The following ZNF583 variants were observed in gnomAD, a reference collection of about 807,000 sequenced individuals.
The protein encoded by ZNF583 is zinc finger protein L3-5.
A neutral mutation model predicts 55.3 loss-of-function variants in ZNF583; 30 were observed. The observed-to-expected ratio is 0.54, with a 90% confidence interval of 0.41 to 0.74. The LOEUF (loss-of-function observed/expected upper bound fraction) is 0.74, where lower values mean the gene tolerates loss of function less well. Ranked by LOEUF, ZNF583 falls within the 30% of genes least tolerant of loss-of-function variation. The pLI is 0.00. For synonymous variants in ZNF583, 208 were observed against 220.0 expected (o/e 0.95, Z 0.48); for missense variants, 504 against 664.7 (o/e 0.76, Z 2.66).
chr19:56,413,253 A>G (rs1042929772), intron 2 of ZNF583, among the ~76,000 whole-genome samples: 2 of 152,228 alleles, frequency 1.3e-5, no homozygotes, highest in African/African-American at 2.4e-5. Flanking sequence ...CATCACTTTG[A>G]CAGCTGGTTG....
At position 56,422,888 on chromosome 19, in the gene ZNF583, T is replaced by C. The variant is rs759981259; in HGVS notation, c.233-3T>C. 6.4e-7 allele frequency: 1 copy of C among 1,571,500 alleles called. No homozygotes were observed. The highest frequency in any genetic ancestry group is 8.6e-7 in the Non-Finnish European group (1 of 1,162,268). The stretch of plus-strand genomic sequence containing the variant: ...AAGTCATTTGTTTCTTGATATCTTT[T>C]AGATTGGGAGTATGTATTTAAAAAC... On this transcript the variant is annotated splice_polypyrimidine_tract_variant and splice_region_variant and intron_variant, in intron 4 of 4. Coordinates refer to ENST00000333201, the MANE Select transcript of ZNF583 (RefSeq NM_152478.3).
In ZNF583 at chr19:56,414,081, A is replaced by G. The variant is rs139616608; in HGVS notation, c.132A>G (p.Ser44=). The G allele has an allele frequency of 2.5e-6, 4 of 1,591,888 alleles. No individual in the cohort carries two copies. Among genetic ancestry groups the G allele is most frequent in the Non-Finnish European group, 3.4e-6 (4 of 1,170,658 alleles). The change falls in exon 3 of 5, where the codon TCA becomes TCG. Residue 44 remains serine (S), a synonymous_variant. Coordinates refer to ENST00000333201, the MANE Select transcript of ZNF583 (RefSeq NM_152478.3). ...TGGAGAACTACAGGAGCTTGGTATC[A>G]TTGGGTAAGGACATGTCCCCTTAAT... ...VMLENYRSLV[S]LGVSVSKPDV...
chr19:56,424,229 A>T lies in ZNF583; in HGVS notation c.1571A>T (p.Asp524Val), dbSNP rs370545394. 3 of 1,613,904 alleles carry T rather than the reference A, an allele frequency of 1.9e-6. No individual in the cohort carries two copies. In the African/African-American group the frequency reaches 4.0e-5, roughly 22 times the overall value. Residue 524 changes from aspartate to valine, a missense_variant, in exon 5 of 5, where the codon GAT (aspartate) becomes GTT (valine). Around this residue, in one of 3 missense-constraint regions of ZNF583, gnomAD observed 63 missense variants for 56.5 expected, o/e 1.11. Coordinates refer to ENST00000333201, the MANE Select transcript of ZNF583 (RefSeq NM_152478.3). ...GGAGAAAGACCCTATGAATGTAAAG[A>T]TTGCAGGAAATCTTTCAGGCAGCGT... ...HTGERPYECK[D>V]CRKSFRQRAH...
intron 4 of ZNF583, among the ~76,000 whole-genome samples, chr19:56,422,492 C>G (rs959732986): frequency 2.0e-4 from 31 of 152,182 alleles, no homozygotes; most frequent in African/African-American, 7.0e-4. Context: ...TTAATACTGC[C>G]TACTGTTGTT....
chr19:56,407,958 AACATATAGT>A (rs1418056786), intron 2 of ZNF583, among the ~76,000 whole-genome samples: 1 of 152,236 alleles, frequency 6.6e-6, no homozygotes, highest in Non-Finnish European at 1.5e-5. Context: ...TCATTCACTG[AACATATAGT>A]TATTAAAGGC....
At chr19:56,411,522 C>A (rs924403738) in intron 2 of ZNF583, among the ~76,000 whole-genome samples, 1 of 152,156 alleles carries the variant, frequency 6.6e-6, no homozygotes, top group South Asian at 2.1e-4. Flanking sequence ...TCAAGGACTT[C>A]ATGTAGCAAA....
At chr19:56,421,389 C>T in intron 4 of ZNF583, 2 of 817,636 alleles carry the variant, frequency 2.4e-6, no homozygotes, top group South Asian at 1.1e-4. Context: ...TTTTTTGACC[C>T]ATCAGTCTTC....
intron 2 of ZNF583, among the ~76,000 whole-genome samples, chr19:56,412,527 CATTTT>C (rs1030536932): frequency 6.6e-6 from 1 of 152,128 alleles, no homozygotes; most frequent in African/African-American, 2.4e-5. Flanking sequence ...TTTTTTGATG[CATTTT>C]ATTATCAGAC....
intron 4 of ZNF583, among the ~76,000 whole-genome samples, chr19:56,416,189 G>T (rs1262381968): frequency 6.6e-6 from 1 of 151,746 alleles, no homozygotes; most frequent in East Asian, 2.0e-4. Flanking sequence ...AGCCAGGTGT[G>T]GTGGCAGGCT....
At chr19:56,413,848 T>C in intron 2 of ZNF583, 111 bp from the exon 3 acceptor site, 8 of 1,468,872 alleles carry the variant, frequency 5.4e-6, no homozygotes, top group Non-Finnish European at 7.4e-6. Flanking sequence ...TCAGAAAGTT[T>C]TGCTATGTGC....
At chr19:56,408,150 G>GT (rs1480882574) in intron 2 of ZNF583, among the ~76,000 whole-genome samples, 12 of 151,998 alleles carry the variant, frequency 7.9e-5, no homozygotes, top group African/African-American at 2.7e-4. Context: ...TATTCATCTA[G>GT]TAAAAAAAAT....
chr19:56,411,667 C>T (rs1469061081), intron 2 of ZNF583, among the ~76,000 whole-genome samples: 1 of 152,194 alleles, frequency 6.6e-6, no homozygotes, highest in Non-Finnish European at 1.5e-5. Flanking sequence ...CTATCCAGCA[C>T]GAGTTTTAAT....
intron 4 of ZNF583, among the ~76,000 whole-genome samples, chr19:56,415,164 G>A (rs1213908309): frequency 6.6e-6 from 1 of 151,902 alleles, no homozygotes; most frequent in Non-Finnish European, 1.5e-5. Context: ...TTGAGAAGAG[G>A]ATTCTGCTAA....
intron 2 of ZNF583, 98 bp downstream of exon 2, chr19:56,407,221 G>C (rs1600350334): frequency 7.1e-7 from 1 of 1,415,608 alleles, no homozygotes; most frequent in South Asian, 1.2e-5. Context: ...AACCTAATAA[G>C]GTTCCATTCA....
At chr19:56,411,095 T>C (rs2042231013) in intron 2 of ZNF583, among the ~76,000 whole-genome samples, 1 of 149,416 alleles carries the variant, frequency 6.7e-6, no homozygotes, top group Admixed American at 6.7e-5. Context: ...GAGACCAGCC[T>C]GGGCAACATA....
Position 56,421,637 on chromosome 19 carries a change from T to C in ZNF583, c.233-1254T>C, listed in dbSNP as rs148635821. ...GACATTTACCCCATTCATGCAAGCA[T>C]GTCATTCTAATAAGAGGATGAATTA... is the stretch of plus-strand genomic sequence containing the variant. On this transcript the variant is annotated intron_variant, in intron 4 of 4. Coordinates refer to ENST00000333201, the MANE Select transcript of ZNF583 (RefSeq NM_152478.3). 34 of 352,330 alleles carry C rather than the reference T, an allele frequency of 9.7e-5. 1 individual carries two copies. The East Asian group carries it at 5.5e-3, about 57-fold the overall frequency. 21.8% of individuals were successfully genotyped at this position (352,330 alleles called of 1,614,324 possible). A position where few individuals can be genotyped will look rare whatever the true frequency, so the allele number is the denominator to read the frequency against.
At chr19:56,413,464 A>T (rs1449081326) in intron 2 of ZNF583, among the ~76,000 whole-genome samples, 1 of 152,220 alleles carries the variant, frequency 6.6e-6, no homozygotes, top group Non-Finnish European at 1.5e-5. Context: ...ACATATTTAT[A>T]TATATTTTTA....
chr19:56,418,786 T>C (rs1250492250), intron 4 of ZNF583, among the ~76,000 whole-genome samples: 1 of 152,154 alleles, frequency 6.6e-6, no homozygotes, highest in Admixed American at 6.5e-5. Flanking sequence ...TCCTATATAA[T>C]GTGTAATTGA....
At chr19:56,405,765 C>T (rs2042137176) in intron 1 of ZNF583, among the ~76,000 whole-genome samples, 1 of 152,152 alleles carries the variant, frequency 6.6e-6, no homozygotes, top group African/African-American at 2.4e-5. Context: ...GAAAATTAAG[C>T]ACTGTGCTCA....
Sources: allele counts gnomAD v4.1 joint callset (sites outside exome capture counted in the v4.1 genomes callset), GRCh38; gene constraint gnomAD v4.1.1; regional missense constraint gnomAD v4.1.1; transcripts MANE v1.5; gene names NCBI Gene and HGNC (gene_info 2026-07-23, HGNC 2026-07-21).